TNPO3: variants seen among roughly 807,000 people sequenced by gnomAD.
TNPO3 encodes the protein transportin-3.
TNPO3 carries 65 observed loss-of-function variants against 122.8 expected under a neutral mutation model. The ratio of observed to expected loss-of-function variants is 0.53; its 90% CI spans 0.43 to 0.65. The LOEUF is 0.65. Among genes scored for constraint, TNPO3 ranks in the 30% least tolerant of loss-of-function variants. The pLI is 0.00. For missense variants in TNPO3, 850 were observed against 1,136.7 expected, an observed-to-expected ratio of 0.75 and a Z score of 3.63; for synonymous variants, 372 against 411.2, an observed-to-expected ratio of 0.90 and a Z score of 1.15.
chr7:128,981,307 G>T (rs1799603935), intron 14 of TNPO3, among the ~76,000 whole-genome samples: 1 of 152,030 alleles, frequency 6.6e-6, no homozygotes, highest in Non-Finnish European at 1.5e-5. Flanking sequence ...AGTTATACAT[G>T]GGTCCCAAAA....
chr7:129,033,641 C>T (rs772757135), intron 1 of TNPO3, among the ~76,000 whole-genome samples: 3 of 152,078 alleles, frequency 2.0e-5, no homozygotes, highest in Admixed American at 6.6e-5. Flanking sequence ...CAAACAGGGC[C>T]GGGCACAGTG....
intron 4 of TNPO3, among the ~76,000 whole-genome samples, chr7:129,009,803 T>C (rs529543709): frequency 2.6e-5 from 4 of 152,230 alleles, no homozygotes; most frequent in Non-Finnish European, 4.4e-5. Flanking sequence ...TTTTTGTAGC[T>C]ACAAAGTTAG....
intron 1 of TNPO3, 121 bp downstream of exon 1, chr7:129,054,511 CGCAGCCCCACCCCACGACA>C: frequency 7.4e-7 from 1 of 1,353,824 alleles, no homozygotes; most frequent in Non-Finnish European, 9.8e-7. Flanking sequence ...GATGTAGCTT[CGCAGCCCCACCCCACGACA>C]GCAGCTCCTC....
chr7:129,007,201 G>A (rs903934982), intron 4 of TNPO3, among the ~76,000 whole-genome samples: 12 of 152,118 alleles, frequency 7.9e-5, no homozygotes, highest in African/African-American at 2.7e-4. Context: ...AGAAAACTGA[G>A]GCAGACAGTC....
intron 1 of TNPO3, among the ~76,000 whole-genome samples, chr7:129,054,220 T>C (rs1432054933): frequency 6.6e-6 from 1 of 152,122 alleles, no homozygotes; most frequent in Non-Finnish European, 1.5e-5. Context: ...GGCATAAGGC[T>C]ACGACTGGGA....
At chr7:129,039,004 T>G (rs1166546899) in intron 1 of TNPO3, among the ~76,000 whole-genome samples, 1 of 152,128 alleles carries the variant, frequency 6.6e-6, no homozygotes, top group African/African-American at 2.4e-5. Flanking sequence ...ACAAAGAACT[T>G]GAATAGACAT....
intron 6 of TNPO3, 81 bp downstream of exon 6, chr7:129,000,978 C>G: frequency 6.8e-7 from 1 of 1,462,244 alleles, no homozygotes; most frequent in African/African-American, 1.4e-5. Flanking sequence ...TCACAAATGA[C>G]AGACGAATAA....
intron 4 of TNPO3, among the ~76,000 whole-genome samples, chr7:129,010,580 A>G (rs886381175): frequency 2.0e-5 from 3 of 152,174 alleles, no homozygotes; most frequent in Non-Finnish European, 4.4e-5. Flanking sequence ...CATCACACAA[A>G]CTACATTATA....
intron 1 of TNPO3, among the ~76,000 whole-genome samples, chr7:129,047,698 G>A (rs984355676): frequency 6.6e-6 from 1 of 152,124 alleles, no homozygotes; most frequent in African/African-American, 2.4e-5. Context: ...AGTTAGGTGG[G>A]GTGGTAGAGA....
chr7:129,037,805 A>G (rs1212109794), intron 1 of TNPO3, among the ~76,000 whole-genome samples: 1 of 152,202 alleles, frequency 6.6e-6, no homozygotes, highest in Non-Finnish European at 1.5e-5. Flanking sequence ...CCTAGGGGAC[A>G]GGCATAAAAC....
At position 128,984,238 on chromosome 7, in the gene TNPO3, C is replaced by T. The variant is rs376932742; in HGVS notation, c.1712G>A (p.Arg571Gln). ...TTCGGTAATCTTATCCAAAGGTAATCGGGCTAGGACAAGTGCTGTCCCTGA... is the reference window on the plus strand; with the variant it reads ...TTCGGTAATCTTATCCAAAGGTAATTGGGCTAGGACAAGTGCTGTCCCTGA... The part of the protein sequence containing the change: ...LLKGTALVLA[R>Q]LPLDKITECL... Residue 571 changes from arginine (R) to glutamine (Q), a missense_variant, in exon 13 of 23, where the codon CGA becomes CAA. Coordinates refer to ENST00000265388, the MANE Select transcript of TNPO3 (RefSeq NM_012470.4). The T allele has an allele frequency of 1.4e-5, 22 of 1,612,106 alleles. No individual in the cohort carries two copies. The highest frequency in any genetic ancestry group is 1.7e-5 in the Non-Finnish European group (20 of 1,179,174).
In TNPO3 at chr7:129,005,154, G is replaced by A; in HGVS notation, c.558C>T (p.Thr186=). Residue 186 remains threonine (T), a synonymous_variant, in exon 5 of 23, where the codon ACC becomes ACT. Transcript: ENST00000265388. ...CATCTGTTCCTGCTTTTTCTACACA[G>A]GTCATCTGAATAGAGAAAAAAACTT... is the stretch of plus-strand genomic sequence containing the variant. ...YSSTVVSLLM[T]CVEKAGTDEK... is the part of the protein sequence containing the mutation. The A allele has an allele frequency of 6.2e-7, 1 of 1,612,198 alleles. No homozygotes were observed. Among genetic ancestry groups the A allele is most frequent in the South Asian group, 1.1e-5 (1 of 90,636 alleles).
Position 128,966,764 on chromosome 7 carries a change from G to A in TNPO3, c.2711+516C>T, listed in dbSNP as rs1436087305. Among the ~76,000 whole-genome samples the A allele has an allele frequency of 2.0e-5, 3 of 152,198 alleles. No individual in the cohort carries two copies. The East Asian group carries it at 5.8e-4, about 29-fold the overall frequency. ...CATTTTAGGCTGTAATCCAGAGATT[G>A]TAAGTTCCTCATGGGCCTAATGTAT... On this transcript the variant is annotated intron_variant, in intron 21 of 22. Coordinates refer to ENST00000265388, the MANE Select transcript of TNPO3 (RefSeq NM_012470.4).
At chr7:129,014,867 T>A in intron 4 of TNPO3, 112 bp downstream of exon 4, 1 of 1,032,392 alleles carries the variant, frequency 9.7e-7, no homozygotes, top group Non-Finnish European at 1.4e-6. Context: ...TACCAAAGCA[T>A]CATCATTAAA....
intron 8 of TNPO3, among the ~76,000 whole-genome samples, 164 bp from the exon 9 acceptor site, chr7:128,994,078 T>G (rs1801038734): frequency 1.3e-5 from 2 of 152,186 alleles, no homozygotes; most frequent in African/African-American, 4.8e-5. Context: ...GTTTCCTAAA[T>G]TGTGAGGTAT....
intron 13 of TNPO3, among the ~76,000 whole-genome samples, chr7:128,983,672 C>T (rs1278860745): frequency 6.6e-6 from 1 of 152,152 alleles, no homozygotes; most frequent in Non-Finnish European, 1.5e-5. Flanking sequence ...GCTTTTTGTT[C>T]CTTTAACCAA....
chr7:128,980,128 C>T, intron 14 of TNPO3, 97 bp from the exon 15 acceptor site: 1 of 1,037,836 alleles, frequency 9.6e-7, no homozygotes, highest in Non-Finnish European at 1.5e-6. Flanking sequence ...ATCATTTTCA[C>T]CAAATAAAGA....
intron 1 of TNPO3, among the ~76,000 whole-genome samples, chr7:129,035,951 T>TG: frequency 1.0e-5 from 1 of 97,064 alleles, no homozygotes; most frequent in East Asian, 2.2e-4. Flanking sequence ...TTTTCTTTTC[T>TG]TTTTTTTTTT....
intron 21 of TNPO3, among the ~76,000 whole-genome samples, chr7:128,960,767 A>ATTG (rs1193458196): frequency 6.6e-6 from 1 of 151,174 alleles, no homozygotes; most frequent in African/African-American, 2.4e-5. Flanking sequence ...TATTATTATT[A>ATTG]TTATTATTTT....
Sources: allele counts gnomAD v4.1 joint callset (sites outside exome capture counted in the v4.1 genomes callset), GRCh38; gene constraint gnomAD v4.1.1; transcripts MANE v1.5; gene names NCBI Gene and HGNC (gene_info 2026-07-23, HGNC 2026-07-21).